The following MS4A6A variants were observed in gnomAD, a reference collection of about 807,000 sequenced individuals.
The protein encoded by MS4A6A is membrane-spanning 4-domains subfamily A member 6A.
MS4A6A carries 19 observed loss-of-function variants against 20.6 expected under a neutral mutation model. The observed-to-expected ratio is 0.92, with a 90% CI of 0.64 to 1.36. MS4A6A has a LOEUF of 1.36. Ranked by LOEUF, MS4A6A falls within the 40% of genes most tolerant of loss-of-function variation. The probability of loss-of-function intolerance (pLI) is 0.00; values close to 1 mark genes in which losing one functional copy is unlikely to be tolerated. For missense variants in MS4A6A, 272 were observed against 261.1 expected (o/e 1.04, Z -0.29); for synonymous variants, 108 against 105.0 (o/e 1.03, Z -0.17).
At chr11:60,180,128 T>C in intron 2 of MS4A6A, 163 bp from the exon 3 acceptor site, 1 of 700,120 alleles carries the variant, frequency 1.4e-6, no homozygotes. Context: ...AAAGACATCC[T>C]GGAGGGTGTG....
rs1856673505 is a variant in MS4A6A at position 60,173,240 on chromosome 11, G to C, written c.550-111C>G. 6.6e-6 allele frequency: 6 copies of C among 911,640 alleles called. No homozygotes were observed. The Admixed American group carries it at 1.1e-4, about 17-fold the overall frequency. The allele number at this position is 911,640 out of a possible 1,614,324, so 56.5% of individuals were successfully genotyped here. On this transcript the variant is annotated intron_variant, in intron 5 of 5. Coordinates refer to ENST00000528851, the MANE Select transcript of MS4A6A (RefSeq NM_022349.4). ...ACCACCTCAACCATTAGAGAATGAA[G>C]AAAGGACACCATCAGGAAGATAAAA...
intron 3 of MS4A6A, chr11:60,179,430 A>G (rs1857010629): frequency 2.0e-6 from 1 of 498,608 alleles, no homozygotes. Context: ...GATCCCCACA[A>G]GCATGGGGGG....
At chr11:60,179,690 C>T (rs753591677) in intron 3 of MS4A6A, 141 bp downstream of exon 3, 2 of 920,942 alleles carry the variant, frequency 2.2e-6, no homozygotes, top group Non-Finnish European at 3.6e-6. Flanking sequence ...TGTCATCCTA[C>T]CCGACAGGAG....
intron 4 of MS4A6A, chr11:60,177,138 A>G (rs1856883508): frequency 6.6e-6 from 1 of 152,210 alleles, no homozygotes; most frequent in African/African-American, 2.4e-5. Flanking sequence ...ATAGAAAGTT[A>G]CATTTCATTT....
Position 60,175,568 on chromosome 11 carries a change from G to A in MS4A6A, c.383C>T (p.Ala128Val), listed in dbSNP as rs1162315021. The A allele has an allele frequency of 1.2e-6, 2 of 1,613,932 alleles. No homozygotes were observed. The highest frequency in any genetic ancestry group is 1.7e-6 in the Non-Finnish European group (2 of 1,180,028). ...LVGSILSALS[A>V]LVGFIILSVK... ...AGACAGGATAATGAAACCCACCAGG[G>A]CAGACAGAGCACTCAGAATGCTTCC... is the stretch of plus-strand genomic sequence containing the variant. Residue 128 changes from alanine to valine, a missense_variant, in exon 5 of 6, where the codon GCC (alanine) becomes GTC (valine). By Grantham distance (64) the Ala-to-Val change is moderately conservative. Coordinates refer to ENST00000528851, the MANE Select transcript of MS4A6A (RefSeq NM_022349.4).
chr11:60,178,395 C>A, intron 3 of MS4A6A, 79 bp from the exon 4 acceptor site: 1 of 1,162,738 alleles, frequency 8.6e-7, no homozygotes, highest in Non-Finnish European at 1.3e-6. Context: ...TGTTTATAGA[C>A]AACTCTCATG....
intron 3 of MS4A6A, among the ~76,000 whole-genome samples, chr11:60,179,261 G>C (rs547607001): frequency 6.6e-6 from 1 of 152,292 alleles, no homozygotes; most frequent in African/African-American, 2.4e-5. Flanking sequence ...CTGAGGAAAG[G>C]ACTACTAAGT....
intron 2 of MS4A6A, 89 bp from the exon 3 acceptor site, chr11:60,180,054 T>C: frequency 7.7e-7 from 1 of 1,296,598 alleles, no homozygotes; most frequent in East Asian, 2.4e-5. Context: ...TAATGCATTA[T>C]CGCCTTCTGC....
In MS4A6A at chr11:60,178,245, A is replaced by G; in HGVS notation, c.339+15T>C. On this transcript the variant is annotated intron_variant, in intron 4 of 5. Transcript: ENST00000528851. Reference sequence around the variant, plus strand: ...TTTGATCCATTGGGTTGTGGGTTATAGCTCTCTTACTCACCAAAAGCTTGG... The same window carrying G: ...TTTGATCCATTGGGTTGTGGGTTATGGCTCTCTTACTCACCAAAAGCTTGG... 1 of 1,606,312 alleles carries G rather than the reference A, an allele frequency of 6.2e-7. No individual in the cohort carries two copies. Among genetic ancestry groups the G allele is most frequent in the East Asian group, 2.2e-5 (1 of 44,830 alleles).
At chr11:60,183,772 T>G (rs1249298098), upstream of MS4A6A, 1 of 152,412 alleles carries the variant, frequency 6.6e-6, no homozygotes, top group African/African-American at 2.4e-5. Context: ...ACAACAGATC[T>G]TTGCCCTCCA....
chr11:60,184,114 T>G (rs181146207), upstream of MS4A6A: 1 of 152,378 alleles, frequency 6.6e-6, no homozygotes, highest in Non-Finnish European at 1.5e-5. Context: ...GATTCTGCAC[T>G]TAATTCCACA....
At chr11:60,174,319 T>C (rs1052082276) in intron 5 of MS4A6A, among the ~76,000 whole-genome samples, 1 of 146,982 alleles carries the variant, frequency 6.8e-6, no homozygotes, top group African/African-American at 2.5e-5. Flanking sequence ...CTGCAATTTC[T>C]TTATTCCTTT....
At position 60,181,664 on chromosome 11, in the gene MS4A6A, A is replaced by G; in HGVS notation, c.64T>C (p.Ser22Pro). 1.9e-6 allele frequency: 3 copies of G among 1,614,078 alleles called. No individual in the cohort carries two copies. Among genetic ancestry groups the G allele is most frequent in the Non-Finnish European group, 2.5e-6 (3 of 1,179,994 alleles). Reference sequence around the variant, plus strand: ...GTGGGTTCGGGTTTCTCTGCTTGGGAGAAGTTGATGACATTTGATGGGAGC... The same window carrying G: ...GTGGGTTCGGGTTTCTCTGCTTGGGGGAAGTTGATGACATTTGATGGGAGC... ...IVLPSNVINF[S>P]QAEKPEPTNQ... The change falls in exon 2 of 6, where the codon TCC becomes CCC. Residue 22 changes from serine to proline, a missense_variant. Physicochemically the swap from Ser to Pro is moderately conservative, Grantham distance 74. Coordinates refer to ENST00000528851, the MANE Select transcript of MS4A6A (RefSeq NM_022349.4).
chr11:60,179,452 G>C (rs1223484772), intron 3 of MS4A6A: 1 of 541,082 alleles, frequency 1.8e-6, no homozygotes, highest in African/African-American at 1.9e-5. Context: ...ATAACAGTGT[G>C]GTTTCTCTGT....
chr11:60,175,145 T>G (rs1259750256), intron 5 of MS4A6A, among the ~76,000 whole-genome samples: 1 of 151,434 alleles, frequency 6.6e-6, no homozygotes, highest in Admixed American at 6.7e-5. Flanking sequence ...TTGGATTAGT[T>G]TGATAATTAA....
chr11:60,172,736 G>A lies in MS4A6A; in HGVS notation c.*265C>T. The A allele has an allele frequency of 1.6e-6, 2 of 1,251,474 alleles. No individual in the cohort carries two copies. 77.5% of individuals were successfully genotyped at this position (1,251,474 alleles called of 1,614,324 possible). ...GGCACAAACTCATAGCATAATGCCA[G>A]GCCAGTCATTTAACTTCCCAGAGTC... is the stretch of plus-strand genomic sequence containing the variant. On this transcript the variant is annotated 3_prime_UTR_variant, in exon 6 of 6. Transcript: ENST00000528851.
chr11:60,172,179 A>G (rs1013491623), downstream of MS4A6A: 3 of 1,612,892 alleles, frequency 1.9e-6, no homozygotes, highest in Non-Finnish European at 2.5e-6. Context: ...ATAGTTCTTC[A>G]TATCCACAGT....
chr11:60,172,357 C>A (rs1856622417), downstream of MS4A6A: 11 of 1,499,890 alleles, frequency 7.3e-6, no homozygotes, highest in Non-Finnish European at 8.9e-6. Flanking sequence ...TTAGCTAATC[C>A]AAGATAAGTA....
chr11:60,173,725 C>CT (rs1386458515), intron 5 of MS4A6A, among the ~76,000 whole-genome samples: 7 of 151,604 alleles, frequency 4.6e-5, no homozygotes, highest in South Asian at 4.2e-4. Context: ...GTTGTTTTTT[C>CT]TTTTTTTTCT....
Sources: allele counts gnomAD v4.1 joint callset (sites outside exome capture counted in the v4.1 genomes callset), GRCh38; gene constraint gnomAD v4.1.1; transcripts MANE v1.5; gene names NCBI Gene and HGNC (gene_info 2026-07-23, HGNC 2026-07-21).